Variants in MAP3K13 observed in about 807,000 individuals in gnomAD.
MAP3K13 encodes the protein mitogen-activated protein kinase kinase kinase 13, also known as leucine zipper-bearing kinase.
In MAP3K13, 52 loss-of-function variants were observed where a neutral mutation model predicts 104.0. That is an observed-to-expected ratio of 0.50 (90% CI 0.40 to 0.63). MAP3K13 has a LOEUF of 0.63. MAP3K13 is among the 20% of genes least tolerant of loss of function. The pLI, the probability that MAP3K13 is intolerant of heterozygous loss-of-function variation, is 0.00. For synonymous variants in MAP3K13, 394 were observed against 442.2 expected (o/e 0.89, Z 1.37); for missense variants, 914 against 1,218.5 (o/e 0.75, Z 3.72).
chr3:185,346,586 TTTTTG>T (rs551451146), intron 2 of MAP3K13, among the ~76,000 whole-genome samples: 105 of 152,316 alleles, frequency 6.9e-4, no homozygotes, highest in African/African-American at 2.5e-3. Flanking sequence ...TTCCCAGTTA[TTTTTG>T]TTTTAAATAA....
chr3:185,428,838 A>G lies in MAP3K13; in HGVS notation c.257A>G (p.Gln86Arg), dbSNP rs1714581987. The G allele has an allele frequency of 1.9e-6, 3 of 1,614,170 alleles. No homozygotes were observed. Among genetic ancestry groups the G allele is most frequent in the Non-Finnish European group, 2.5e-6 (3 of 1,180,026 alleles). ...SRDQFENSVL[Q>R]LREHDESETA... ...GACCAGTTTGAGAACAGCGTTCTTC[A>G]GCTAAGGGAACACGATGAATCAGAG... The change falls in exon 2 of 14, where the codon CAG (glutamine) becomes CGG (arginine). Residue 86 changes from glutamine to arginine, a missense_variant. Gln to Arg is a conservative substitution (Grantham distance 43, BLOSUM62 1). Coordinates refer to ENST00000265026, the MANE Select transcript of MAP3K13 (RefSeq NM_004721.5).
intron 1 of MAP3K13, among the ~76,000 whole-genome samples, chr3:185,388,376 C>A (rs1711829535): frequency 6.6e-6 from 1 of 152,000 alleles, no homozygotes; most frequent in Non-Finnish European, 1.5e-5. Flanking sequence ...GTGGCATGCA[C>A]CTGTAGTTCC....
At chr3:185,428,079 C>CAA (rs112837150) in intron 1 of MAP3K13, among the ~76,000 whole-genome samples, 2 of 96,982 alleles carry the variant, frequency 2.1e-5, no homozygotes, top group African/African-American at 3.6e-5. Context: ...AACTCCGTCT[C>CAA]AAAAAAAAAA....
At chr3:185,392,190 A>G (rs1712099991) in intron 1 of MAP3K13, among the ~76,000 whole-genome samples, 1 of 152,234 alleles carries the variant, frequency 6.6e-6, no homozygotes, top group South Asian at 2.1e-4. Flanking sequence ...CCCAGATTAT[A>G]CAGCTGCTTA....
At chr3:185,439,329 G>A (rs1410271325) in intron 3 of MAP3K13, among the ~76,000 whole-genome samples, 1 of 152,114 alleles carries the variant, frequency 6.6e-6, no homozygotes. Context: ...GGGCCAGGAG[G>A]ATGTGTGACT....
chr3:185,360,580 G>C (rs1723562901), upstream of MAP3K13, among the ~76,000 whole-genome samples: 1 of 152,164 alleles, frequency 6.6e-6, no homozygotes, highest in Non-Finnish European at 1.5e-5. Flanking sequence ...CTGTGGTACA[G>C]GAAGCATGCT....
intron 2 of MAP3K13, among the ~76,000 whole-genome samples, chr3:185,431,737 A>G (rs1433514485): frequency 3.3e-5 from 5 of 152,168 alleles, no homozygotes; most frequent in Admixed American, 3.3e-4. Flanking sequence ...TTCAGTTACC[A>G]TTATCCACTT....
chr3:185,298,390 A>AT (rs1414991888), intron 2 of MAP3K13, among the ~76,000 whole-genome samples: 1 of 152,222 alleles, frequency 6.6e-6, no homozygotes. Context: ...GAGGAGAAAC[A>AT]TTAAGAACAC....
chr3:185,451,179 C>G (rs1238920250), intron 6 of MAP3K13, 108 bp from the exon 7 acceptor site: 1 of 692,550 alleles, frequency 1.4e-6, no homozygotes, highest in Non-Finnish European at 2.5e-6. Context: ...TGGTTTTACT[C>G]AGATATAGCC....
intron 7 of MAP3K13, among the ~76,000 whole-genome samples, chr3:185,454,526 T>TATATGAGATATATATGATATATACC (rs1716184668): frequency 1.7e-5 from 1 of 59,614 alleles, no homozygotes; most frequent in Non-Finnish European, 3.7e-5. Context: ...ATATATACCA[T>TATATGAGATATATATGATATATACC]ATATATGAGA....
chr3:185,321,728 C>T (rs532710921), intron 2 of MAP3K13, among the ~76,000 whole-genome samples: 2 of 152,238 alleles, frequency 1.3e-5, no homozygotes, highest in Admixed American at 6.5e-5. Context: ...CTCAGCCTCC[C>T]GAGTATCTGG....
intron 2 of MAP3K13, among the ~76,000 whole-genome samples, chr3:185,311,106 C>T (rs373525923): frequency 2.0e-3 from 312 of 152,264 alleles, no homozygotes; most frequent in Admixed American, 3.7e-3. Context: ...AATGAGTTTC[C>T]TAGGAATATT....
chr3:185,424,046 T>G (rs963716341), intron 1 of MAP3K13, among the ~76,000 whole-genome samples: 9 of 152,210 alleles, frequency 5.9e-5, no homozygotes, highest in African/African-American at 2.2e-4. Context: ...AGGAGGTTAT[T>G]CCTTCAGTGT....
chr3:185,283,023 G>C (rs1244902985), exon 1 of MAP3K13: 1 of 152,430 alleles, frequency 6.6e-6, no homozygotes, highest in Non-Finnish European at 1.5e-5. Flanking sequence ...TAGGATCCCC[G>C]ACAGGTAACC....
intron 2 of MAP3K13, chr3:185,329,360 G>A: frequency 4.7e-6 from 3 of 635,530 alleles, no homozygotes; most frequent in Non-Finnish European, 8.6e-6. Context: ...ACAGATTCAT[G>A]TCAGCAAATA....
chr3:185,351,486 T>G (rs1723137644), intron 2 of MAP3K13, among the ~76,000 whole-genome samples: 1 of 152,216 alleles, frequency 6.6e-6, no homozygotes, highest in African/African-American at 2.4e-5. Context: ...TGGTCACTGT[T>G]ATCCACAGAT....
chr3:185,327,105 G>A (rs912053070), intron 2 of MAP3K13, among the ~76,000 whole-genome samples: 2 of 152,072 alleles, frequency 1.3e-5, no homozygotes, highest in African/African-American at 2.4e-5. Context: ...TCATCAGGGC[G>A]GACACTCTGG....
intron 3 of MAP3K13, among the ~76,000 whole-genome samples, chr3:185,442,562 C>T (rs1371528185): frequency 6.7e-6 from 1 of 149,098 alleles, no homozygotes. Context: ...GAGACAGAGT[C>T]TCACTCTGTC....
chr3:185,369,061 C>T (rs1030392564), intron 1 of MAP3K13, among the ~76,000 whole-genome samples: 1 of 151,664 alleles, frequency 6.6e-6, no homozygotes, highest in Non-Finnish European at 1.5e-5. Flanking sequence ...ACTATGAGTT[C>T]TAAGTATTAG....
Sources: gnomAD v4.1 joint callset for allele counts (sites outside exome capture counted in the v4.1 genomes callset) on GRCh38, gnomAD v4.1.1 for gene constraint, MANE v1.5 for transcripts, NCBI Gene and HGNC (gene_info 2026-07-23, HGNC 2026-07-21) for gene names.